The following TTC3 variants were observed in gnomAD, a reference collection of about 807,000 sequenced individuals.
TTC3 encodes E3 ubiquitin-protein ligase TTC3.
TTC3 carries 180 observed loss-of-function variants against 249.6 expected under a neutral mutation model. The observed-to-expected ratio is 0.72, with a 90% CI of 0.64 to 0.82. TTC3 has a LOEUF of 0.82. Among genes scored for constraint, TTC3 ranks in the 40% least tolerant of loss-of-function variants. TTC3 has a pLI of 0.00. For synonymous variants in TTC3, 717 were observed against 805.0 expected, an observed-to-expected ratio of 0.89 and a Z score of 1.85; for missense variants, 2,061 against 2,398.4, an observed-to-expected ratio of 0.86 and a Z score of 2.94.
chr21:37,142,194 A>AT (rs2078537992), intron 20 of TTC3, among the ~76,000 whole-genome samples: 1 of 152,202 alleles, frequency 6.6e-6, no homozygotes, highest in Non-Finnish European at 1.5e-5. Context: ...CTGGCACAAG[A>AT]TAGGGATGCC....
At chr21:37,144,556 G>T (rs1482866732) in exon 21 of TTC3, 4 of 1,612,254 alleles carry the variant, frequency 2.5e-6, no homozygotes, top group Admixed American at 1.7e-5. Context: ...CTTTGAGAAA[G>T]CAAGAACCTT....
chr21:37,151,954 G>A (rs754416311), exon 26 of TTC3: 1 of 1,606,618 alleles, frequency 6.2e-7, no homozygotes, highest in Non-Finnish European at 8.5e-7. Context: ...AAAAAAAGAA[G>A]CAAAAAAGTT....
At chr21:37,104,553 G>A (rs2068888845) in intron 10 of TTC3, among the ~76,000 whole-genome samples, 1 of 141,532 alleles carries the variant, frequency 7.1e-6, no homozygotes, top group South Asian at 2.2e-4. Context: ...TAGCGCCATT[G>A]CGCTCCAGCC....
chr21:37,105,684 G>T (rs947799664), intron 10 of TTC3, among the ~76,000 whole-genome samples: 1 of 152,138 alleles, frequency 6.6e-6, no homozygotes, highest in South Asian at 2.1e-4. Flanking sequence ...TCCCCCAGGA[G>T]AACTACCATC....
chr21:37,197,698 T>C lies in TTC3; in HGVS notation c.5706+2T>C, dbSNP rs1489671093. On this transcript the variant is annotated splice_donor_variant, in intron 43 of 45. Coordinates refer to ENST00000355666, the Ensembl canonical transcript of TTC3. LOFTEE classifies it high-confidence loss of function. Reference sequence around the variant, plus strand: ...CTAGATGAACAGAAAAAGAAAAAGGTATTTTATCTAGATGTTCCAGTTTAT... The same window carrying C: ...CTAGATGAACAGAAAAAGAAAAAGGCATTTTATCTAGATGTTCCAGTTTAT... 6.2e-7 allele frequency: 1 copy of C among 1,603,772 alleles called. No individual in the cohort carries two copies. Among genetic ancestry groups the C allele is most frequent in the East Asian group, 2.2e-5 (1 of 44,700 alleles).
At chr21:37,154,676 A>G (rs987336848) in intron 27 of TTC3, among the ~76,000 whole-genome samples, 2 of 152,088 alleles carry the variant, frequency 1.3e-5, no homozygotes, top group Non-Finnish European at 2.9e-5. Context: ...CTTTTGATAT[A>G]AACCATGTGT....
Position 37,166,087 on chromosome 21 carries a change from C to G in TTC3, c.3873C>G (p.Val1291=), listed in dbSNP as rs759628865. 9 of 1,614,206 alleles carry G rather than the reference C, an allele frequency of 5.6e-6. No individual in the cohort carries two copies. In the East Asian group the frequency reaches 2.0e-4, roughly 36 times the overall value. Residue 1291 remains valine (V), a synonymous_variant, in exon 33 of 46, where the codon GTC becomes GTG. Transcript: ENST00000355666. ...CTGAGGATGCAAATTACAAGCGAGT[C>G]TCCTGTAATTCCCCCAAACCGGTTC...
chr21:37,139,555 C>G (rs73393120), intron 19 of TTC3, among the ~76,000 whole-genome samples: 6,246 of 152,144 alleles, frequency 0.041, 318 homozygotes, highest in Admixed American at 0.12. Flanking sequence ...TCTAAGTAGT[C>G]TTTTACGTTC....
intron 13 of TTC3, among the ~76,000 whole-genome samples, chr21:37,123,581 T>A (rs569942475): frequency 9.8e-5 from 15 of 152,354 alleles, no homozygotes; most frequent in Admixed American, 5.2e-4. Flanking sequence ...ATTAAATGTT[T>A]TTCTGCATTC....
At chr21:37,112,656 A>T (rs1279134414) in intron 11 of TTC3, among the ~76,000 whole-genome samples, 1 of 152,192 alleles carries the variant, frequency 6.6e-6, no homozygotes, top group African/African-American at 2.4e-5. Context: ...ATTCCAATCA[A>T]TAGAAAAAGA....
At chr21:37,165,075 A>C (rs2081126486) in intron 32 of TTC3, among the ~76,000 whole-genome samples, 1 of 152,214 alleles carries the variant, frequency 6.6e-6, no homozygotes, top group Admixed American at 6.5e-5. Flanking sequence ...ATTATTTCTT[A>C]AAGTATGCTA....
chr21:37,191,480 C>T (rs193100120), intron 40 of TTC3, 56 bp downstream of exon 40: 26 of 1,141,884 alleles, frequency 2.3e-5, no homozygotes, highest in Middle Eastern at 2.3e-4. Context: ...TTATAATTCT[C>T]GGGAGGCTGG....
chr21:37,109,841 C>T (rs1300402503), intron 11 of TTC3, among the ~76,000 whole-genome samples: 32 of 152,178 alleles, frequency 2.1e-4, no homozygotes, highest in African/African-American at 7.0e-4. Context: ...CTCACACGGC[C>T]GGGTACTCCT....
chr21:37,190,045 C>T (rs1300577316), intron 39 of TTC3, among the ~76,000 whole-genome samples: 3 of 150,226 alleles, frequency 2.0e-5, no homozygotes, highest in Admixed American at 6.6e-5. Flanking sequence ...TGGTGCTTGC[C>T]TTTTGATTCA....
chr21:37,159,791 A>G, intron 29 of TTC3, 46 bp downstream of exon 29: 1 of 1,585,034 alleles, frequency 6.3e-7, no homozygotes, highest in South Asian at 1.1e-5. Context: ...ATCTGATGTT[A>G]AACCAAGGAT....
intron 35 of TTC3, among the ~76,000 whole-genome samples, chr21:37,182,148 T>C (rs373503814): frequency 6.6e-5 from 10 of 152,328 alleles, no homozygotes; most frequent in African/African-American, 2.4e-4. Flanking sequence ...AACCCCTTGC[T>C]ACAATTAAAT....
intron 44 of TTC3, among the ~76,000 whole-genome samples, chr21:37,199,106 T>A (rs1261788878): frequency 2.0e-5 from 3 of 152,112 alleles, no homozygotes; most frequent in African/African-American, 7.2e-5. Context: ...ATCTGCCCCA[T>A]CTCCTCCTGG....
intron 26 of TTC3, among the ~76,000 whole-genome samples, chr21:37,152,318 A>G (rs578190098): frequency 6.6e-6 from 1 of 151,630 alleles, no homozygotes; most frequent in South Asian, 2.1e-4. Flanking sequence ...AAGTTAAGGT[A>G]GTTGATGAGG....
chr21:37,145,157 T>G (rs1207005059), intron 21 of TTC3, among the ~76,000 whole-genome samples: 6 of 152,212 alleles, frequency 3.9e-5, no homozygotes, highest in Admixed American at 3.9e-4. Context: ...ATAAAGATGC[T>G]TTGCTTGTTC....
Sources: gnomAD v4.1 joint callset for allele counts (sites outside exome capture counted in the v4.1 genomes callset) on GRCh38, gnomAD v4.1.1 for gene constraint, MANE v1.5 for transcripts, NCBI Gene and HGNC (gene_info 2026-07-23, HGNC 2026-07-21) for gene names.